CGRRF1: variants seen among roughly 807,000 people sequenced by gnomAD.
CGRRF1 encodes cell growth regulator with RING finger domain protein 1.
In CGRRF1, 32 loss-of-function variants were observed where a neutral mutation model predicts 37.2. That is an observed-to-expected ratio of 0.86 (90% CI 0.65 to 1.16). CGRRF1 has a LOEUF of 1.16. CGRRF1 is among the 50% of genes most tolerant of loss of function. The probability of loss-of-function intolerance (pLI) is 0.00; values close to 1 mark genes in which losing one functional copy is unlikely to be tolerated. For synonymous variants in CGRRF1, 141 were observed against 140.3 expected (o/e 1.00, Z -0.04); for missense variants, 391 against 382.6 (o/e 1.02, Z -0.18).
At chr14:54,515,692 T>C (rs1185489575) in intron 1 of CGRRF1, among the ~76,000 whole-genome samples, 1 of 152,230 alleles carries the variant, frequency 6.6e-6, no homozygotes, top group African/African-American at 2.4e-5. Context: ...GTAATAGTCT[T>C]TGCTCTGAGA....
At chr14:54,534,542 A>T (rs1030615000) in intron 4 of CGRRF1, among the ~76,000 whole-genome samples, 2 of 152,354 alleles carry the variant, frequency 1.3e-5, no homozygotes, top group East Asian at 3.9e-4. Flanking sequence ...ACTTGTAAAG[A>T]ATATTGTGTT....
intron 1 of CGRRF1, among the ~76,000 whole-genome samples, chr14:54,520,355 G>A (rs537050927): frequency 1.3e-5 from 2 of 152,096 alleles, no homozygotes; most frequent in South Asian, 4.2e-4. Flanking sequence ...GGACGGTCTC[G>A]ATCTCCTGGC....
rs150437652 is a variant in CGRRF1 at position 54,516,415 on chromosome 14, T to C, written c.105-6039T>C. Among the ~76,000 whole-genome samples the C allele has an allele frequency of 6.5e-3, 991 of 152,290 alleles. 11 individuals carry two copies. Among genetic ancestry groups the C allele is most frequent in the African/African-American group, 0.023 (949 of 41,578 alleles). ...CTTTGGAAAAATATAGGTATAGAAT[T>C]CTAGATTGACAAGATTTTTTTCCTG... is the stretch of plus-strand genomic sequence containing the variant. On this transcript the variant is annotated intron_variant, in intron 1 of 5. Coordinates refer to ENST00000216420, the MANE Select transcript of CGRRF1 (RefSeq NM_006568.3).
chr14:54,519,315 G>A (rs371824790), intron 1 of CGRRF1, among the ~76,000 whole-genome samples: 1 of 151,494 alleles, frequency 6.6e-6, no homozygotes, highest in Non-Finnish European at 1.5e-5. Context: ...TCTGCTTACT[G>A]CAGTCTTGAC....
intron 4 of CGRRF1, among the ~76,000 whole-genome samples, chr14:54,535,199 TTGATACAGTATTTTATCCA>T (rs2032580422): frequency 6.6e-6 from 1 of 152,226 alleles, no homozygotes; most frequent in Non-Finnish European, 1.5e-5. Context: ...AAATTTAACA[TTGATACAGTATTTTATCCA>T]ATTCACAACC....
chr14:54,515,199 C>T (rs1308388668), intron 1 of CGRRF1, among the ~76,000 whole-genome samples: 2 of 151,374 alleles, frequency 1.3e-5, no homozygotes, highest in African/African-American at 2.4e-5. Context: ...AGCAATTCTC[C>T]TGCCTCAGCC....
At chr14:54,526,648 A>G (rs1335481284) in intron 2 of CGRRF1, among the ~76,000 whole-genome samples, 1 of 152,176 alleles carries the variant, frequency 6.6e-6, no homozygotes, top group Non-Finnish European at 1.5e-5. Context: ...CTCAGTGTAT[A>G]TAAGTTGAGT....
intron 2 of CGRRF1, among the ~76,000 whole-genome samples, chr14:54,524,946 A>G (rs897724628): frequency 1.3e-5 from 2 of 152,090 alleles, no homozygotes; most frequent in Non-Finnish European, 2.9e-5. Context: ...ACTCGGGAGG[A>G]TGAGGTGGGA....
At chr14:54,524,390 T>C (rs1008596315) in intron 2 of CGRRF1, among the ~76,000 whole-genome samples, 2 of 150,904 alleles carry the variant, frequency 1.3e-5, no homozygotes, top group Non-Finnish European at 3.0e-5. Flanking sequence ...TATATGTTTT[T>C]TTTTTTTTTT....
chr14:54,529,404 C>T (rs192677307), intron 2 of CGRRF1, among the ~76,000 whole-genome samples: 1 of 152,300 alleles, frequency 6.6e-6, no homozygotes, highest in Admixed American at 6.5e-5. Context: ...ATTGTTATAT[C>T]TTCTTAAGTT....
At chr14:54,510,559 TA>T (rs2032112887) in intron 1 of CGRRF1, among the ~76,000 whole-genome samples, 1 of 152,230 alleles carries the variant, frequency 6.6e-6, no homozygotes, top group South Asian at 2.1e-4. Context: ...ACTGAACTGT[TA>T]CCGTTTGAGA....
chr14:54,527,880 A>G (rs1010926380), intron 2 of CGRRF1, among the ~76,000 whole-genome samples: 1 of 151,990 alleles, frequency 6.6e-6, no homozygotes, highest in African/African-American at 2.4e-5. Flanking sequence ...AGTTAGGACC[A>G]CGGGTGCGTG....
In CGRRF1 at chr14:54,538,357, G is replaced by C. The variant is rs1277496170; in HGVS notation, c.973G>C (p.Asp325His). 4 of 1,610,242 alleles carry C rather than the reference G, an allele frequency of 2.5e-6. No homozygotes were observed. In the East Asian group the frequency reaches 8.9e-5, roughly 36 times the overall value. ...TGCACTTTGCAGTCAAAAAGAGCAA[G>C]ATAAAGACAAACCGAAGACTCTTTG... ...SFALCSQKEQ[D>H]KDKPKTL Residue 325 changes from aspartate to histidine, a missense_variant, in exon 6 of 6, where the codon GAT (aspartate) becomes CAT (histidine). By Grantham distance (81) the Asp-to-His change is moderately conservative. Transcript: ENST00000216420.
In CGRRF1 at chr14:54,539,264, A is replaced by C. The variant is rs2032653504; in HGVS notation, c.*881A>C. The C allele has an allele frequency of 6.6e-6, 1 of 152,218 alleles. No homozygotes were observed. Among genetic ancestry groups the C allele is most frequent in the Non-Finnish European group, 1.5e-5 (1 of 68,030 alleles). 9.4% of individuals were successfully genotyped at this position (152,218 alleles called of 1,614,324 possible). On this transcript the variant is annotated 3_prime_UTR_variant, in exon 6 of 6. Transcript: ENST00000216420. ...TTTTTCTAGTGTATTTTTATTCCAA[A>C]TAAACCCTGTATTCTTCTGAATAGT...
Position 54,537,819 on chromosome 14 carries a change from A to G in CGRRF1, c.668A>G (p.His223Arg). ...TTACTCTTGGCTCAAGGTCAATTTC[A>G]TGATCTTAAGGTAAGCCGTACTCTG... Reference protein sequence around the residue: ...QYLLLAQGQFHDLKQLFMSAN... With the variant: ...QYLLLAQGQFRDLKQLFMSAN... The change falls in exon 5 of 6, where the codon CAT becomes CGT. Residue 223 changes from histidine (H) to arginine (R), a missense_variant. Physicochemically the swap from His to Arg is conservative, Grantham distance 29. Transcript: ENST00000216420. The G allele has an allele frequency of 6.2e-7, 1 of 1,602,862 alleles. No individual in the cohort carries two copies. The highest frequency in any genetic ancestry group is 8.5e-7 in the Non-Finnish European group (1 of 1,177,298).
chr14:54,529,267 A>C (rs887794818), intron 2 of CGRRF1, among the ~76,000 whole-genome samples: 3 of 152,220 alleles, frequency 2.0e-5, no homozygotes, highest in African/African-American at 7.2e-5. Context: ...TGATATTGCT[A>C]CAAATACCAC....
At chr14:54,510,823 T>C (rs1479968773) in intron 1 of CGRRF1, among the ~76,000 whole-genome samples, 1 of 152,172 alleles carries the variant, frequency 6.6e-6, no homozygotes, top group Non-Finnish European at 1.5e-5. Context: ...AATAACGAGT[T>C]GAAACCGTGT....
At position 54,522,591 on chromosome 14, in the gene CGRRF1, C is replaced by T; in HGVS notation, c.242C>T (p.Thr81Ile). The T allele has an allele frequency of 6.3e-7, 1 of 1,581,100 alleles. No individual in the cohort carries two copies. Among genetic ancestry groups the T allele is most frequent in the Non-Finnish European group, 8.5e-7 (1 of 1,170,278 alleles). ...EITNPSSASI[T>I]TGITLTTDCL... is the part of the protein sequence containing the mutation. ...ACTAATCCATCTTCAGCTTCAATTA[C>T]AAGTTGGTGGCTGTTTTCCAAAGAT... Residue 81 changes from threonine (T) to isoleucine (I), a missense_variant and splice_region_variant, in exon 2 of 6, where the codon ACA becomes ATA. Thr to Ile is a moderately conservative substitution (Grantham distance 89, BLOSUM62 -1). Coordinates refer to ENST00000216420, the MANE Select transcript of CGRRF1 (RefSeq NM_006568.3).
chr14:54,518,928 GTTGTTTTGTTTTGTT>G (rs557229779), intron 1 of CGRRF1, among the ~76,000 whole-genome samples: 5 of 152,072 alleles, frequency 3.3e-5, no homozygotes, highest in African/African-American at 7.2e-5. Context: ...CTAGGTTTTT[GTTGTTTTGTTTTGTT>G]TTGTTTTGTT....
Sources: allele counts gnomAD v4.1 joint callset (sites outside exome capture counted in the v4.1 genomes callset), GRCh38; gene constraint gnomAD v4.1.1; transcripts MANE v1.5; gene names NCBI Gene and HGNC (gene_info 2026-07-23, HGNC 2026-07-21).